The following OPRD1 variants were observed in gnomAD, a reference collection of about 807,000 sequenced individuals.
OPRD1 encodes delta-type opioid receptor.
OPRD1 carries 19 observed loss-of-function variants against 17.5 expected under a neutral mutation model. The observed-to-expected ratio is 1.09, with a 90% CI of 0.76 to 1.60. OPRD1 has a LOEUF of 1.60. Ranked by LOEUF, OPRD1 falls within the 40% of genes most tolerant of loss-of-function variation. The pLI is 0.00. For synonymous variants in OPRD1, 256 were observed against 240.9 expected (o/e 1.06, Z -0.58); for missense variants, 483 against 547.2 (o/e 0.88, Z 1.17).
chr1:28,821,761 C>T (rs188998872), intron 1 of OPRD1, among the ~76,000 whole-genome samples: 12 of 151,960 alleles, frequency 7.9e-5, no homozygotes, highest in Admixed American at 3.3e-4. Context: ...TGCTGCTGCC[C>T]GGGCATGGTG....
chr1:28,863,287 G>A lies in OPRD1; in HGVS notation c.*4G>A. On this transcript the variant is annotated 3_prime_UTR_variant, in exon 3 of 3. Coordinates refer to ENST00000234961, the MANE Select transcript of OPRD1 (RefSeq NM_000911.4). ...CGGCGGTGGCGCTGCCGCCTGACCA[G>A]GCCATCCGGCCCCCAGAGCGCCCCT... 7.0e-7 allele frequency: 1 copy of A among 1,425,480 alleles called. No individual in the cohort carries two copies. Among genetic ancestry groups the A allele is most frequent in the Non-Finnish European group, 9.1e-7 (1 of 1,100,790 alleles). The allele number at this position is 1,425,480 out of a possible 1,614,324, so 88.3% of individuals were successfully genotyped here.
At chr1:28,844,619 C>A (rs902506198) in intron 1 of OPRD1, among the ~76,000 whole-genome samples, 2 of 152,078 alleles carry the variant, frequency 1.3e-5, no homozygotes, top group Non-Finnish European at 2.9e-5. Flanking sequence ...AACTTATTTG[C>A]TTTTGGTTGA....
At chr1:28,823,140 T>G (rs2124261878) in intron 1 of OPRD1, among the ~76,000 whole-genome samples, 1 of 151,746 alleles carries the variant, frequency 6.6e-6, no homozygotes, top group Middle Eastern at 3.4e-3. Flanking sequence ...TCAGCAGCTT[T>G]GTCTCTGGCC....
intron 1 of OPRD1, among the ~76,000 whole-genome samples, chr1:28,822,396 G>A (rs528926103): frequency 1.2e-3 from 186 of 152,156 alleles, no homozygotes; most frequent in African/African-American, 4.4e-3. Flanking sequence ...CTGGAGATTC[G>A]GGTGGAGAAA....
intron 1 of OPRD1, among the ~76,000 whole-genome samples, chr1:28,844,121 G>C (rs949017399): frequency 2.7e-5 from 4 of 150,576 alleles, no homozygotes; most frequent in African/African-American, 9.8e-5. Flanking sequence ...AACGGTACAC[G>C]AGAGTTCCAG....
intron 1 of OPRD1, among the ~76,000 whole-genome samples, chr1:28,824,843 T>C (rs1046448826): frequency 6.7e-6 from 1 of 148,538 alleles, no homozygotes; most frequent in Non-Finnish European, 1.5e-5. Flanking sequence ...CCACACTCTT[T>C]TTTTTTGAGA....
chr1:28,838,789 C>G (rs1277611323), intron 1 of OPRD1, among the ~76,000 whole-genome samples: 1 of 152,136 alleles, frequency 6.6e-6, no homozygotes, highest in Non-Finnish European at 1.5e-5. Context: ...TAAACCGAGG[C>G]TCAGAGAAGT....
chr1:28,857,640 G>GTAT (rs750701352), intron 1 of OPRD1, among the ~76,000 whole-genome samples: 57 of 151,252 alleles, frequency 3.8e-4, no homozygotes, highest in Non-Finnish European at 7.5e-4. Flanking sequence ...GCTAATTTTT[G>GTAT]TATTATTATT....
chr1:28,821,087 A>G (rs2088709552), intron 1 of OPRD1, among the ~76,000 whole-genome samples: 1 of 150,916 alleles, frequency 6.6e-6, no homozygotes, highest in African/African-American at 2.4e-5. Flanking sequence ...TCTGTTTCTC[A>G]ATTTTATTTA....
Position 28,859,189 on chromosome 1 carries a change from A to G in OPRD1, c.463A>G (p.Lys155Glu). The G allele has an allele frequency of 6.2e-7, 1 of 1,614,252 alleles. No individual in the cohort carries two copies. Among genetic ancestry groups the G allele is most frequent in the Non-Finnish European group, 8.5e-7 (1 of 1,180,032 alleles). Reference protein sequence around the residue: ...DRYIAVCHPVKALDFRTPAKA... With the variant: ...DRYIAVCHPVEALDFRTPAKA... Reference sequence around the variant, plus strand: ...CTACATCGCTGTCTGCCACCCTGTCAAGGCCCTGGACTTCCGCACGCCTGC... The same window carrying G: ...CTACATCGCTGTCTGCCACCCTGTCGAGGCCCTGGACTTCCGCACGCCTGC... The change falls in exon 2 of 3, where the codon AAG (lysine) becomes GAG (glutamate). Residue 155 changes from lysine to glutamate, a missense_variant. Lys to Glu is a moderately conservative substitution (Grantham distance 56, BLOSUM62 1). Coordinates refer to ENST00000234961, the MANE Select transcript of OPRD1 (RefSeq NM_000911.4).
chr1:28,812,305 C>T lies in OPRD1; in HGVS notation c.-79C>T, dbSNP rs2088636209. 19 of 1,051,082 alleles carry T rather than the reference C, an allele frequency of 1.8e-5. No homozygotes were observed. Among genetic ancestry groups the T allele is most frequent in the Non-Finnish European group, 2.2e-5 (18 of 827,156 alleles). The allele number at this position is 1,051,082 out of a possible 1,614,324, so 65.1% of individuals were successfully genotyped here. On this transcript the variant is annotated 5_prime_UTR_variant, in exon 1 of 3. Transcript: ENST00000234961. ...GGCGGCGTCGGGGCCGCGGCCTCTG[C>T]CTTGCCGCTCCCCTCGCGTCGGATC... is the stretch of plus-strand genomic sequence containing the variant.
intron 2 of OPRD1, 75 bp downstream of exon 2, chr1:28,859,378 G>A (rs2089090684): frequency 7.6e-7 from 1 of 1,313,824 alleles, no homozygotes; most frequent in South Asian, 1.4e-5. Context: ...GGGCTTGCAG[G>A]GCACTTACCA....
intron 1 of OPRD1, among the ~76,000 whole-genome samples, chr1:28,823,116 T>C (rs528148925): frequency 5.3e-5 from 8 of 151,330 alleles, no homozygotes; most frequent in African/African-American, 1.7e-4. Context: ...TAGTTCCCAG[T>C]GCAGCTGCAG....
At chr1:28,819,197 C>A (rs982819833) in intron 1 of OPRD1, among the ~76,000 whole-genome samples, 1 of 152,142 alleles carries the variant, frequency 6.6e-6, no homozygotes, top group South Asian at 2.1e-4. Context: ...AGGCAGGAAG[C>A]TGTGCATGGT....
chr1:28,825,537 C>T (rs2088760406), intron 1 of OPRD1, among the ~76,000 whole-genome samples: 1 of 152,218 alleles, frequency 6.6e-6, no homozygotes, highest in Admixed American at 6.5e-5. Context: ...AGGCGCACGC[C>T]ACCACATCCG....
intron 1 of OPRD1, among the ~76,000 whole-genome samples, chr1:28,842,351 C>T (rs561668513): frequency 6.6e-5 from 10 of 152,324 alleles, no homozygotes; most frequent in East Asian, 3.9e-4. Flanking sequence ...ATTTAGACGT[C>T]GGCCGCTCTG....
intron 1 of OPRD1, among the ~76,000 whole-genome samples, chr1:28,821,297 G>A (rs1362033988): frequency 2.6e-5 from 4 of 151,920 alleles, no homozygotes; most frequent in Non-Finnish European, 5.9e-5. Flanking sequence ...GAGATGGGGT[G>A]TCACCATCTT....
rs143323672 is a variant in OPRD1 at position 28,851,188 on chromosome 1, G to A, written c.228-7766G>A. On this transcript the variant is annotated intron_variant, in intron 1 of 2. Transcript: ENST00000234961. ...ACTACCAGGGATAAAGAGAGGAACC[G>A]ACAAGTTATGCAGGTAGAGAGGACA... Among the ~76,000 whole-genome samples the A allele has an allele frequency of 1.7e-3, 265 of 152,206 alleles. 1 individual carries two copies. The highest frequency in any genetic ancestry group is 6.0e-3 in the African/African-American group (251 of 41,524).
At chr1:28,848,241 G>A (rs1228471331) in intron 1 of OPRD1, among the ~76,000 whole-genome samples, 8 of 113,722 alleles carry the variant, frequency 7.0e-5, no homozygotes, top group Admixed American at 1.8e-4. Flanking sequence ...GCAAGACTCC[G>A]TCTAAAAAAA....
Sources: gnomAD v4.1 joint callset for allele counts (sites outside exome capture counted in the v4.1 genomes callset) on GRCh38, gnomAD v4.1.1 for gene constraint, MANE v1.5 for transcripts, NCBI Gene and HGNC (gene_info 2026-07-23, HGNC 2026-07-21) for gene names.